MEAF6: variants seen among roughly 807,000 people sequenced by gnomAD.
MEAF6 encodes chromatin modification-related protein MEAF6.
A neutral mutation model predicts 28.9 loss-of-function variants in MEAF6; 15 were observed. The ratio of observed to expected loss-of-function variants is 0.52; its 90% CI spans 0.35 to 0.80. The LOEUF (loss-of-function observed/expected upper bound fraction) is 0.80. Ranked by LOEUF, MEAF6 falls within the 30% of genes least tolerant of loss-of-function variation. MEAF6 has a pLI of 0.01. For missense variants in MEAF6, 178 were observed against 237.5 expected (o/e 0.75, Z 1.65); for synonymous variants, 97 against 88.7 (o/e 1.09, Z -0.53).
At chr1:37,503,862 G>A (rs1642392962) in intron 4 of MEAF6, among the ~76,000 whole-genome samples, 1 of 152,150 alleles carries the variant, frequency 6.6e-6, no homozygotes. Context: ...TCAAGGCTGA[G>A]GCAGGGAGAA....
chr1:37,498,233 T>G (rs998108817), intron 5 of MEAF6, among the ~76,000 whole-genome samples: 2 of 152,110 alleles, frequency 1.3e-5, no homozygotes, highest in South Asian at 4.1e-4. Flanking sequence ...CTTTAGACAT[T>G]TGGGAGAGTA....
At chr1:37,494,641 G>A (rs1451592269) in intron 6 of MEAF6, among the ~76,000 whole-genome samples, 1 of 151,802 alleles carries the variant, frequency 6.6e-6, no homozygotes, top group Non-Finnish European at 1.5e-5. Flanking sequence ...GACCAGCCTG[G>A]GTAACAAATT....
rs1642012091 is a variant in MEAF6, at chr1:37,493,619, CAAAGA to C, written c.*475_*479del. On this transcript the variant is annotated 3_prime_UTR_variant, in exon 7 of 7. Coordinates refer to ENST00000296214, the MANE Select transcript of MEAF6 (RefSeq NM_001270875.3). ...GTACAAAGGCATTACAAAAAAACCC[CAAAGA>C]AAATAAGATAAAAACAACAAGAGAA... is the stretch of plus-strand genomic sequence containing the variant. 2 of 749,730 alleles carry C rather than the reference CAAAGA, an allele frequency of 2.7e-6. No homozygotes were observed. Among genetic ancestry groups the C allele is most frequent in the African/African-American group, 3.6e-5 (2 of 55,934 alleles). 46.4% of individuals were successfully genotyped at this position (749,730 alleles called of 1,614,324 possible).
Position 37,491,842 on chromosome 1 carries a change from G to A in MEAF6, c.*2257C>T, listed in dbSNP as rs977542057. ...GGTCTGCTGTGTGCTTTCCTCAGAG[G>A]GAAGGAAACTAGGCATCCCACTGCA... On this transcript the variant is annotated 3_prime_UTR_variant, in exon 7 of 7. Transcript: ENST00000296214. Among the ~76,000 whole-genome samples the A allele has an allele frequency of 6.6e-6, 1 of 151,274 alleles. No homozygotes were observed. The highest frequency in any genetic ancestry group is 1.5e-5 in the Non-Finnish European group (1 of 67,908).
intron 5 of MEAF6, among the ~76,000 whole-genome samples, chr1:37,496,919 T>C (rs547042009): frequency 6.6e-6 from 1 of 152,334 alleles, no homozygotes; most frequent in South Asian, 2.1e-4. Flanking sequence ...CTTCCTTCAA[T>C]GGATTTCATA....
chr1:37,498,636 C>T (rs1347197073), intron 5 of MEAF6, among the ~76,000 whole-genome samples: 1 of 151,544 alleles, frequency 6.6e-6, no homozygotes, highest in Non-Finnish European at 1.5e-5. Flanking sequence ...CGCCATGTTG[C>T]CCCCGGCTGG....
At chr1:37,506,538 CTTTT>C (rs1220498027) in intron 4 of MEAF6, among the ~76,000 whole-genome samples, 1 of 151,994 alleles carries the variant, frequency 6.6e-6, no homozygotes, top group African/African-American at 2.4e-5. Flanking sequence ...CGTCCAGCTA[CTTTT>C]GTTTTGTTTT....
Position 37,491,618 on chromosome 1 carries a change from G to A in MEAF6, c.*2481C>T, listed in dbSNP as rs1325652121. Among the ~76,000 whole-genome samples, 2 of 152,094 alleles carry A rather than the reference G, an allele frequency of 1.3e-5. No individual in the cohort carries two copies. The highest frequency in any genetic ancestry group is 4.8e-5 in the African/African-American group (2 of 41,396). On this transcript the variant is annotated 3_prime_UTR_variant, in exon 7 of 7. Coordinates refer to ENST00000296214, the MANE Select transcript of MEAF6 (RefSeq NM_001270875.3). ...TAAGGCTGAAGCAGGAAGATGGCTT[G>A]ACCCCAGAAGTTCGAGGCTGCACTG...
intron 4 of MEAF6, among the ~76,000 whole-genome samples, chr1:37,506,142 G>A (rs978557239): frequency 4.6e-5 from 7 of 152,004 alleles, no homozygotes; most frequent in Non-Finnish European, 4.4e-5. Context: ...ATGGTGGCGC[G>A]TGCCTGTCGT....
At chr1:37,510,696 A>C (rs148592209) in intron 2 of MEAF6, among the ~76,000 whole-genome samples, 5 of 147,214 alleles carry the variant, frequency 3.4e-5, no homozygotes, top group African/African-American at 1.3e-4. Flanking sequence ...TTTCATTTTA[A>C]TACGTATCTA....
Position 37,501,809 on chromosome 1 carries a change from C to T in MEAF6, c.528G>A (p.Arg176=). Residue 176 remains arginine (R), a synonymous_variant, in exon 5 of 7, where the codon CGG becomes CGA. Coordinates refer to ENST00000296214, the MANE Select transcript of MEAF6 (RefSeq NM_001270875.3). The part of the protein sequence containing the change: ...SSHKKRKNKN[R]HRIDLKLNKK... Reference sequence around the variant, plus strand: ...GTGGGATCCCTGCCACTGACCTGTGCCGGTTTTTATTCTTTCGCTTTTTAT... The same window carrying T: ...GTGGGATCCCTGCCACTGACCTGTGTCGGTTTTTATTCTTTCGCTTTTTAT... 6.3e-7 allele frequency: 1 copy of T among 1,583,584 alleles called. No homozygotes were observed. Among genetic ancestry groups the T allele is most frequent in the Non-Finnish European group, 8.6e-7 (1 of 1,158,710 alleles).
chr1:37,506,257 C>T (rs1194613342), intron 4 of MEAF6, among the ~76,000 whole-genome samples: 4 of 148,200 alleles, frequency 2.7e-5, no homozygotes, highest in African/African-American at 7.4e-5. Flanking sequence ...GGCAATAAAG[C>T]GAGACTCCGT....
intron 4 of MEAF6, among the ~76,000 whole-genome samples, chr1:37,505,883 A>G (rs1428422037): frequency 6.6e-6 from 1 of 152,262 alleles, no homozygotes; most frequent in African/African-American, 2.4e-5. Flanking sequence ...AGATATTCAC[A>G]TGCAAAACAA....
chr1:37,508,087 C>T (rs1267412450), intron 4 of MEAF6, among the ~76,000 whole-genome samples: 1 of 151,790 alleles, frequency 6.6e-6, no homozygotes, highest in Non-Finnish European at 1.5e-5. Flanking sequence ...GAGAGAACAT[C>T]CAATATGGTT....
Position 37,490,267 on chromosome 1 carries a change from C to T in MEAF6, c.*3832G>A, listed in dbSNP as rs986730303. ...TTTAGTGGTGACAACTTTTAATCCACGGAAGCAGTTTTTCAAAGTGAAAAC... is the reference window on the plus strand; with the variant it reads ...TTTAGTGGTGACAACTTTTAATCCATGGAAGCAGTTTTTCAAAGTGAAAAC... On this transcript the variant is annotated 3_prime_UTR_variant, in exon 7 of 7. Transcript: ENST00000296214. Among the ~76,000 whole-genome samples, 1 of 151,922 alleles carries T rather than the reference C, an allele frequency of 6.6e-6. No homozygotes were observed. The highest frequency in any genetic ancestry group is 1.5e-5 in the Non-Finnish European group (1 of 67,998).
chr1:37,514,756 A>G lies in MEAF6; in HGVS notation c.-10T>C. 1 of 1,408,824 alleles carries G rather than the reference A, an allele frequency of 7.1e-7. No homozygotes were observed. The allele number at this position is 1,408,824 out of a possible 1,614,324, so 87.3% of individuals were successfully genotyped here. ...TGTTGTGCATCGCCATGTTGGGCTG[A>G]GGCGGGCGGCGGCGGCGCGAGGTTG... On this transcript the variant is annotated 5_prime_UTR_variant, in exon 1 of 7. Transcript: ENST00000296214.
chr1:37,500,715 C>A (rs1642272559), intron 5 of MEAF6, among the ~76,000 whole-genome samples: 1 of 152,168 alleles, frequency 6.6e-6, no homozygotes, highest in African/African-American at 2.4e-5. Context: ...TCCTACATTA[C>A]CCCCAGGCAC....
intron 2 of MEAF6, among the ~76,000 whole-genome samples, chr1:37,510,380 C>CT (rs1642628459): frequency 8.2e-5 from 8 of 97,862 alleles, no homozygotes; most frequent in Admixed American, 2.7e-4. Context: ...TGCACCTAGC[C>CT]ATTTTTTTTT....
intron 4 of MEAF6, among the ~76,000 whole-genome samples, chr1:37,504,831 TC>T (rs1642431006): frequency 2.0e-5 from 3 of 148,290 alleles, no homozygotes; most frequent in Admixed American, 2.0e-4. Context: ...ACACACATTA[TC>T]TATTTCTAAA....
Sources: allele counts gnomAD v4.1 joint callset (sites outside exome capture counted in the v4.1 genomes callset), GRCh38; gene constraint gnomAD v4.1.1; transcripts MANE v1.5; gene names NCBI Gene and HGNC (gene_info 2026-07-23, HGNC 2026-07-21).